Variants in MAN1A2 observed in about 807,000 individuals in gnomAD.
The protein encoded by MAN1A2 is mannosyl-oligosaccharide 1,2-alpha-mannosidase IB.
MAN1A2 carries 26 observed loss-of-function variants against 75.7 expected under a neutral mutation model. That is an observed-to-expected ratio of 0.34 (90% CI 0.25 to 0.48). The LOEUF (loss-of-function observed/expected upper bound fraction) is 0.48. Ranked by LOEUF, MAN1A2 falls within the 20% of genes least tolerant of loss-of-function variation. The pLI is 0.99. For synonymous variants in MAN1A2, 247 were observed against 264.6 expected, an observed-to-expected ratio of 0.93 and a Z score of 0.65; for missense variants, 562 against 775.5, an observed-to-expected ratio of 0.72 and a Z score of 3.27.
At position 117,523,442 on chromosome 1, in the gene MAN1A2, CAAG is replaced by C. The variant is rs141590028; in HGVS notation, c.*488_*490del. ...TAATAATGGAATGAACTAAAATAAA[CAAG>C]AACAAAAGAATAGTATAATTATATC... is the stretch of plus-strand genomic sequence containing the variant. On this transcript the variant is annotated 3_prime_UTR_variant, in exon 13 of 13. Coordinates refer to ENST00000356554, the MANE Select transcript of MAN1A2 (RefSeq NM_006699.5). 1,603 of 327,072 alleles carry C rather than the reference CAAG, an allele frequency of 4.9e-3. 36 individuals are homozygous for C. The East Asian group carries it at 0.053, about 11-fold the overall frequency. The allele number at this position is 327,072 out of a possible 1,614,324, so 20.3% of individuals were successfully genotyped here.
At chr1:117,504,530 T>C (rs1385174449) in intron 12 of MAN1A2, among the ~76,000 whole-genome samples, 2 of 151,334 alleles carry the variant, frequency 1.3e-5, no homozygotes, top group African/African-American at 4.8e-5. Context: ...AAGGTCATCA[T>C]CTTACATAAT....
chr1:117,385,864 A>C (rs1262541281), intron 1 of MAN1A2, among the ~76,000 whole-genome samples: 2 of 152,214 alleles, frequency 1.3e-5, no homozygotes, highest in African/African-American at 2.4e-5. Flanking sequence ...AAGTGAAGCC[A>C]GATACACAGA....
intron 4 of MAN1A2, among the ~76,000 whole-genome samples, chr1:117,420,237 C>CATG (rs1648141896): frequency 1.3e-5 from 2 of 152,002 alleles, no homozygotes; most frequent in Non-Finnish European, 2.9e-5. Context: ...ATTCTAGAAT[C>CATG]ATGACCCAGA....
At chr1:117,506,614 C>T (rs1425944496) in intron 12 of MAN1A2, among the ~76,000 whole-genome samples, 1 of 151,558 alleles carries the variant, frequency 6.6e-6, no homozygotes, top group Non-Finnish European at 1.5e-5. Flanking sequence ...GCAATATATA[C>T]AACAAATTTT....
rs1351847989 is a variant in MAN1A2, at chr1:117,405,401, A to C, written c.559-148A>C. The C allele has an allele frequency of 4.8e-6, 3 of 621,988 alleles. No individual in the cohort carries two copies. The African/African-American group carries it at 5.6e-5, about 12-fold the overall frequency. The allele number at this position is 621,988 out of a possible 1,614,324, so 38.5% of individuals were successfully genotyped here. ...ATTAAACATAGTTATGTATGTTTTC[A>C]TACTGATACAAATGCTAATTGAATA... On this transcript the variant is annotated intron_variant, in intron 2 of 12. Coordinates refer to ENST00000356554, the MANE Select transcript of MAN1A2 (RefSeq NM_006699.5).
chr1:117,479,554 A>G (rs796858291), intron 8 of MAN1A2, among the ~76,000 whole-genome samples: 2 of 151,730 alleles, frequency 1.3e-5, no homozygotes, highest in South Asian at 4.1e-4. Flanking sequence ...AATAATTTAC[A>G]CTCCCACCAC....
chr1:117,417,181 G>A (rs2101774761), intron 4 of MAN1A2, among the ~76,000 whole-genome samples: 1 of 152,200 alleles, frequency 6.6e-6, no homozygotes, highest in East Asian at 1.9e-4. Context: ...CCTGAGAGAA[G>A]TAGTGTAATC....
At position 117,466,569 on chromosome 1, in the gene MAN1A2, A is replaced by G. The variant is rs1380480965; in HGVS notation, c.1168+142A>G. 3.5e-5 allele frequency: 18 copies of G among 515,608 alleles called. No individual in the cohort carries two copies. The Middle Eastern group carries it at 5.4e-3, about 156-fold the overall frequency. 31.9% of individuals were successfully genotyped at this position (515,608 alleles called of 1,614,324 possible). A position where few individuals can be genotyped will look rare whatever the true frequency, so the allele number is the denominator to read the frequency against. ...TGGTCTGCTGGTGCTGTTCTTAGGC[A>G]TGTTTCTGATCTCTCTTAGCTTCAG... On this transcript the variant is annotated intron_variant, in intron 8 of 12. Transcript: ENST00000356554.
At chr1:117,431,972 A>T (rs1387518806) in intron 5 of MAN1A2, among the ~76,000 whole-genome samples, 1 of 152,166 alleles carries the variant, frequency 6.6e-6, no homozygotes, top group Non-Finnish European at 1.5e-5. Flanking sequence ...AACAAGCACG[A>T]TCTTTGACCA....
intron 6 of MAN1A2, among the ~76,000 whole-genome samples, chr1:117,456,562 G>T (rs868083495): frequency 6.6e-6 from 1 of 151,874 alleles, no homozygotes; most frequent in African/African-American, 2.4e-5. Flanking sequence ...GAAATTATTG[G>T]CACTTTCAAT....
intron 7 of MAN1A2, among the ~76,000 whole-genome samples, chr1:117,465,673 CA>C (rs1230758735): frequency 2.0e-5 from 3 of 152,102 alleles, no homozygotes; most frequent in Non-Finnish European, 2.9e-5. Context: ...CTCCCACCTC[CA>C]GGGGCCCCCT....
chr1:117,487,341 T>G (rs1195064291), intron 8 of MAN1A2, among the ~76,000 whole-genome samples: 1 of 151,792 alleles, frequency 6.6e-6, no homozygotes, highest in African/African-American at 2.4e-5. Flanking sequence ...ATGACCAGAT[T>G]GGGAGGAAGG....
rs3820499 is a variant in MAN1A2, at chr1:117,420,874, A to G, written c.855+225A>G. Among the ~76,000 whole-genome samples, 6 of 152,120 alleles carry G rather than the reference A, an allele frequency of 3.9e-5. No homozygotes were observed. The East Asian group carries it at 1.2e-3, about 29-fold the overall frequency. On this transcript the variant is annotated intron_variant, in intron 5 of 12. Coordinates refer to ENST00000356554, the MANE Select transcript of MAN1A2 (RefSeq NM_006699.5). ...CACAGATCCTAGCTTTATATACACC[A>G]TGTCTCCTTTGCAAGAGTGATCCTT...
intron 8 of MAN1A2, among the ~76,000 whole-genome samples, chr1:117,491,105 T>C (rs74625018): frequency 1.3e-5 from 2 of 148,226 alleles, no homozygotes; most frequent in African/African-American, 5.2e-5. Flanking sequence ...ATCCAGAAGA[T>C]TTTTTTTTTC....
chr1:117,447,815 A>AT (rs1649287224), intron 6 of MAN1A2, among the ~76,000 whole-genome samples: 1 of 151,938 alleles, frequency 6.6e-6, no homozygotes. Flanking sequence ...TAAATTGCAC[A>AT]TTTTTTTGCT....
rs2101708786 is a variant in MAN1A2, at chr1:117,368,285, T to A, written c.102T>A (p.Ser34=). 1.2e-6 allele frequency: 2 copies of A among 1,614,218 alleles called. No individual in the cohort carries two copies. The highest frequency in any genetic ancestry group is 4.5e-5 in the East Asian group (2 of 44,888). Residue 34 remains serine, a synonymous_variant, in exon 1 of 13, where the codon TCT becomes TCA. Transcript: ENST00000356554. The part of the protein sequence containing the change: ...FPHHRATLRL[S]EKFILLLILS... ...ATCACAGGGCTACCTTGAGACTTTC[T>A]GAGAAGTTTATTCTTCTCCTTATTC...
Position 117,523,221 on chromosome 1 carries a change from G to A in MAN1A2, c.*264G>A, listed in dbSNP as rs1318200851. ...TTAATGAGGTGGTCACATGAGAAAT[G>A]ATACCTGTTACTACTGTATTGTTTT... On this transcript the variant is annotated 3_prime_UTR_variant, in exon 13 of 13. Coordinates refer to ENST00000356554, the MANE Select transcript of MAN1A2 (RefSeq NM_006699.5). 1.7e-6 allele frequency: 1 copy of A among 580,186 alleles called. No homozygotes were observed. Among genetic ancestry groups the A allele is most frequent in the East Asian group, 4.1e-5 (1 of 24,188 alleles). 35.9% of individuals were successfully genotyped at this position (580,186 alleles called of 1,614,324 possible).
intron 1 of MAN1A2, among the ~76,000 whole-genome samples, chr1:117,396,989 A>G (rs1422931167): frequency 6.6e-6 from 1 of 150,928 alleles, no homozygotes; most frequent in African/African-American, 2.4e-5. Context: ...ATGGGCAGAG[A>G]TGGAACTAAA....
chr1:117,432,538 A>G (rs1342045325), intron 5 of MAN1A2, among the ~76,000 whole-genome samples: 1 of 152,216 alleles, frequency 6.6e-6, no homozygotes, highest in Non-Finnish European at 1.5e-5. Context: ...GACAAAACAA[A>G]TTTTCTAAAA....
Sources: allele counts gnomAD v4.1 joint callset (sites outside exome capture counted in the v4.1 genomes callset), GRCh38; gene constraint gnomAD v4.1.1; transcripts MANE v1.5; gene names NCBI Gene and HGNC (gene_info 2026-07-23, HGNC 2026-07-21).